The following KIAA1217 variants were observed in gnomAD, a reference collection of about 807,000 sequenced individuals.
KIAA1217 encodes sickle tail protein homolog.
KIAA1217 carries 88 observed loss-of-function variants against 163.9 expected under a neutral mutation model. The ratio of observed to expected loss-of-function variants is 0.54; its 90% confidence interval spans 0.45 to 0.64. The LOEUF (loss-of-function observed/expected upper bound fraction) is 0.64, where lower values mean the gene tolerates loss of function less well. Among genes scored for constraint, KIAA1217 ranks in the 30% least tolerant of loss-of-function variants. The pLI is 0.00. For synonymous variants in KIAA1217, 903 were observed against 923.1 expected (o/e 0.98, Z 0.39); for missense variants, 2,372 against 2,475.0 (o/e 0.96, Z 0.88).
At chr10:24,190,443 G>A (rs1020296369) in intron 2 of KIAA1217, among the ~76,000 whole-genome samples, 1 of 152,162 alleles carries the variant, frequency 6.6e-6, no homozygotes, top group Non-Finnish European at 1.5e-5. Flanking sequence ...TATTCTATGT[G>A]AGGCGCTGAA....
intron 1 of KIAA1217, among the ~76,000 whole-genome samples, chr10:23,729,654 A>T (rs559540572): frequency 3.2e-4 from 49 of 151,920 alleles, no homozygotes; most frequent in African/African-American, 9.4e-4. Context: ...CTTATTGTGG[A>T]GTTTTAAGAG....
Position 23,830,458 on chromosome 10 carries a change from G to A in KIAA1217, c.-321+135224G>A, listed in dbSNP as rs116502099. On this transcript the variant is annotated intron_variant, in intron 1 of 18. Coordinates refer to the KIAA1217 transcript ENST00000376462. The stretch of plus-strand genomic sequence containing the variant: ...AATAGTAGAATTTTTGTGTTTGGCC[G>A]TTGCTGTGATAAACAGTCTAGGGTT... Among the ~76,000 whole-genome samples the A allele has an allele frequency of 7.5e-3, 1,141 of 152,176 alleles. 9 individuals are homozygous for A. Among genetic ancestry groups the A allele is most frequent in the African/African-American group, 0.024 (1,015 of 41,478 alleles).
intron 1 of KIAA1217, among the ~76,000 whole-genome samples, chr10:23,760,517 T>C (rs1286624542): frequency 6.6e-6 from 1 of 152,228 alleles, no homozygotes; most frequent in Admixed American, 6.5e-5. Context: ...AGTTGAATTC[T>C]AGCAGTCGCA....
intron 1 of KIAA1217, among the ~76,000 whole-genome samples, chr10:23,823,239 G>C (rs533172280): frequency 1.3e-5 from 2 of 152,308 alleles, no homozygotes; most frequent in East Asian, 3.9e-4. Context: ...GGAGAATTCG[G>C]TTCGTTACGG....
At chr10:24,476,926 A>G (rs554563214) in intron 6 of KIAA1217, among the ~76,000 whole-genome samples, 116 of 151,994 alleles carry the variant, frequency 7.6e-4, no homozygotes, top group African/African-American at 2.7e-3. Context: ...CTACATTTAG[A>G]CTCACTATTG....
At chr10:24,499,119 C>T (rs773862509) in intron 8 of KIAA1217, among the ~76,000 whole-genome samples, 21 of 152,206 alleles carry the variant, frequency 1.4e-4, no homozygotes, top group Admixed American at 2.0e-4. Flanking sequence ...GTGCGCCTAT[C>T]CCTCAAAGAG....
intron 1 of KIAA1217, among the ~76,000 whole-genome samples, chr10:24,211,284 C>T (rs2068040017): frequency 6.6e-6 from 1 of 151,226 alleles, no homozygotes; most frequent in African/African-American, 2.4e-5. Context: ...GCCAGATCAC[C>T]TAGGGCCCAT....
intron 1 of KIAA1217, among the ~76,000 whole-genome samples, chr10:23,813,663 T>C (rs1588874231): frequency 6.6e-6 from 1 of 152,316 alleles, no homozygotes; most frequent in African/African-American, 2.4e-5. Flanking sequence ...AATATTGTGG[T>C]ATTATTATTA....
At chr10:24,444,871 G>A (rs1288769085) in intron 5 of KIAA1217, among the ~76,000 whole-genome samples, 1 of 152,152 alleles carries the variant, frequency 6.6e-6, no homozygotes, top group East Asian at 1.9e-4. Context: ...TGTGTTTTGT[G>A]TGTTGGCTTC....
intron 2 of KIAA1217, among the ~76,000 whole-genome samples, chr10:24,304,800 C>A (rs1291663639): frequency 6.6e-6 from 1 of 152,138 alleles, no homozygotes. Flanking sequence ...AGCTATGTAG[C>A]CTCTACAAGA....
At chr10:23,698,342 T>C (rs1400931489) in intron 1 of KIAA1217, among the ~76,000 whole-genome samples, 1 of 152,198 alleles carries the variant, frequency 6.6e-6, no homozygotes, top group African/African-American at 2.4e-5. Flanking sequence ...AAAATTTATA[T>C]TGTAGAAGTA....
At chr10:24,417,740 C>A (rs1188466437) in intron 3 of KIAA1217, among the ~76,000 whole-genome samples, 1 of 152,080 alleles carries the variant, frequency 6.6e-6, no homozygotes, top group South Asian at 2.1e-4. Flanking sequence ...TCTAAGCATC[C>A]CACATTTACT....
At chr10:24,435,011 G>A (rs2059913080) in intron 4 of KIAA1217, among the ~76,000 whole-genome samples, 1 of 152,156 alleles carries the variant, frequency 6.6e-6, no homozygotes, top group Admixed American at 6.5e-5. Context: ...ACCCTGGGGG[G>A]AATAGCAAGT....
chr10:24,181,632 T>C (rs1447448935), intron 2 of KIAA1217, among the ~76,000 whole-genome samples: 2 of 152,186 alleles, frequency 1.3e-5, no homozygotes, highest in Non-Finnish European at 2.9e-5. Flanking sequence ...GTAACAAGAA[T>C]GTACCTGGAA....
intron 1 of KIAA1217, among the ~76,000 whole-genome samples, chr10:23,781,947 TA>T (rs886187383): frequency 1.1e-4 from 16 of 152,216 alleles, no homozygotes; most frequent in Non-Finnish European, 5.9e-5. Flanking sequence ...TTTATGCCAG[TA>T]CCACATTGTT....
intron 1 of KIAA1217, among the ~76,000 whole-genome samples, chr10:23,825,404 A>G (rs944570522): frequency 6.6e-6 from 1 of 152,210 alleles, no homozygotes; most frequent in African/African-American, 2.4e-5. Context: ...AACTCTTAGA[A>G]GTTACATTCT....
intron 2 of KIAA1217, among the ~76,000 whole-genome samples, chr10:24,041,854 G>A (rs892320702): frequency 3.3e-5 from 5 of 152,110 alleles, no homozygotes; most frequent in African/African-American, 7.2e-5. Context: ...TCATTTTTAT[G>A]TATTGTACCT....
In KIAA1217 at chr10:23,726,461, CTTAGGCAATACCAT is replaced by C. The variant is rs1161569723; in HGVS notation, c.-321+31229_-321+31242del. 9.2e-5 allele frequency among the ~76,000 whole-genome samples: 14 copies of C among 152,060 alleles called. No homozygotes were observed. In the East Asian group the frequency reaches 1.7e-3, roughly 19 times the overall value. ...AAACCATAGAAACCCTAGAAGAAAA[CTTAGGCAATACCAT>C]TCAGGACATAGGCATGGGCAAGGAC... On this transcript the variant is annotated intron_variant, in intron 1 of 18. Transcript: ENST00000376462.
intron 1 of KIAA1217, among the ~76,000 whole-genome samples, chr10:23,811,941 T>C (rs1399746722): frequency 6.6e-6 from 1 of 152,074 alleles, no homozygotes; most frequent in Non-Finnish European, 1.5e-5. Flanking sequence ...ACACTTAAGC[T>C]TGACGGGGTA....
Sources: allele counts gnomAD v4.1 joint callset (sites outside exome capture counted in the v4.1 genomes callset), GRCh38; gene constraint gnomAD v4.1.1; transcripts MANE v1.5; gene names NCBI Gene and HGNC (gene_info 2026-07-23, HGNC 2026-07-21).